PSMD9: variants seen among roughly 807,000 people sequenced by gnomAD.
The protein encoded by PSMD9 is 26S proteasome non-ATPase regulatory subunit 9.
PSMD9 carries 26 observed loss-of-function variants against 25.9 expected under a neutral mutation model. That is an observed-to-expected ratio of 1.00 (90% CI 0.73 to 1.39). PSMD9 has a LOEUF of 1.39. PSMD9 is among the 40% of genes most tolerant of loss of function. PSMD9 has a pLI of 0.00. For missense variants in PSMD9, 303 were observed against 299.3 expected (o/e 1.01, Z -0.09); for synonymous variants, 110 against 114.5 (o/e 0.96, Z 0.25).
At chr12:121,891,371 C>T (rs1201040691) in intron 1 of PSMD9, among the ~76,000 whole-genome samples, 14 of 137,724 alleles carry the variant, frequency 1.0e-4, no homozygotes, top group Non-Finnish European at 1.7e-4. Context: ...GAGGCCGAGG[C>T]GGGCGGATCA....
chr12:121,904,586 T>A (rs887291611), intron 4 of PSMD9, among the ~76,000 whole-genome samples: 9 of 150,412 alleles, frequency 6.0e-5, no homozygotes, highest in Admixed American at 2.6e-4. Flanking sequence ...AAAAAGAAAT[T>A]CTTTTAATTC....
At position 121,915,872 on chromosome 12, in the gene PSMD9, C is replaced by T; in HGVS notation, c.572C>T (p.Thr191Ile). 4 of 1,613,540 alleles carry T rather than the reference C, an allele frequency of 2.5e-6. No homozygotes were observed. Among genetic ancestry groups the T allele is most frequent in the Non-Finnish European group, 3.4e-6 (4 of 1,179,780 alleles). The change falls in exon 5 of 6, where the codon ACA becomes ATA. Residue 191 changes from threonine to isoleucine, a missense_variant. Coordinates refer to ENST00000541212, the MANE Select transcript of PSMD9 (RefSeq NM_002813.7). Reference sequence around the variant, plus strand: ...TCTTTTCAGAAGCCCCTGAATGTGACAGTGATCCGCAGGGGGGAAAAACAC... The same window carrying T: ...TCTTTTCAGAAGCCCCTGAATGTGATAGTGATCCGCAGGGGGGAAAAACAC... Reference protein sequence around the residue: ...QHSEGKPLNVTVIRRGEKHQL... With the variant: ...QHSEGKPLNVIVIRRGEKHQL...
chr12:121,895,491 T>A (rs1879204499), intron 2 of PSMD9, among the ~76,000 whole-genome samples: 2 of 152,144 alleles, frequency 1.3e-5, no homozygotes, highest in African/African-American at 4.8e-5. Context: ...TAGCTGGAGA[T>A]AAGAAGTCCA....
At chr12:121,914,445 G>C (rs1189954149) in intron 4 of PSMD9, 2 of 152,200 alleles carry the variant, frequency 1.3e-5, no homozygotes, top group African/African-American at 2.4e-5. Flanking sequence ...AGTTGCTCAG[G>C]AGGCTGAGGC....
At chr12:121,890,161 C>T (rs2137672718) in intron 1 of PSMD9, among the ~76,000 whole-genome samples, 1 of 152,200 alleles carries the variant, frequency 6.6e-6, no homozygotes, top group Admixed American at 6.5e-5. Context: ...AGGTGATCCG[C>T]CCACCTTGGC....
chr12:121,912,653 C>T (rs1206978967), intron 4 of PSMD9, among the ~76,000 whole-genome samples: 1 of 151,930 alleles, frequency 6.6e-6, no homozygotes, highest in Non-Finnish European at 1.5e-5. Flanking sequence ...ATCACTCGAG[C>T]TCAGGAGTTT....
chr12:121,906,639 C>T (rs944674977), intron 4 of PSMD9, among the ~76,000 whole-genome samples: 4 of 92,080 alleles, frequency 4.3e-5, no homozygotes, highest in East Asian at 3.0e-4. Flanking sequence ...CCGGTCTCTA[C>T]TAAAAATACA....
At chr12:121,889,940 C>CGGA in intron 1 of PSMD9, among the ~76,000 whole-genome samples, 1 of 151,948 alleles carries the variant, frequency 6.6e-6, no homozygotes, top group South Asian at 2.1e-4. Flanking sequence ...TTGTCTGAGA[C>CGGA]GGAGTCTTGC....
At chr12:121,889,036 C>T (rs1878978091) in intron 1 of PSMD9, 42 bp downstream of exon 1, 2 of 1,555,488 alleles carry the variant, frequency 1.3e-6, no homozygotes, top group South Asian at 1.2e-5. Flanking sequence ...CTAACCCGGC[C>T]CGGAGTCCCT....
chr12:121,908,425 C>T (rs993536556), intron 4 of PSMD9, among the ~76,000 whole-genome samples: 1 of 152,112 alleles, frequency 6.6e-6, no homozygotes, highest in Non-Finnish European at 1.5e-5. Flanking sequence ...ATGATCTGCC[C>T]GCTTCGGCCT....
chr12:121,904,489 G>C (rs554176620), intron 4 of PSMD9, among the ~76,000 whole-genome samples: 1 of 150,308 alleles, frequency 6.7e-6, no homozygotes, highest in Non-Finnish European at 1.5e-5. Context: ...AAGGAGAATC[G>C]CTTGAACCCA....
intron 2 of PSMD9, among the ~76,000 whole-genome samples, chr12:121,895,898 G>A (rs1879214974): frequency 6.6e-6 from 1 of 152,158 alleles, no homozygotes; most frequent in African/African-American, 2.4e-5. Flanking sequence ...CCATAGGTAG[G>A]CAACCGTCTC....
chr12:121,897,014 G>T (rs140680112), intron 2 of PSMD9, among the ~76,000 whole-genome samples: 1 of 152,046 alleles, frequency 6.6e-6, no homozygotes, highest in Non-Finnish European at 1.5e-5. Context: ...ACACATGCGT[G>T]TATATATGCA....
intron 2 of PSMD9, among the ~76,000 whole-genome samples, chr12:121,895,210 T>A (rs1316713364): frequency 6.6e-6 from 1 of 152,132 alleles, no homozygotes; most frequent in Non-Finnish European, 1.5e-5. Flanking sequence ...TGTGCCTGGC[T>A]AATTTTTTTT....
At chr12:121,899,471 G>A (rs1879324465) in intron 2 of PSMD9, 163 bp from the exon 3 acceptor site, 1 of 644,660 alleles carries the variant, frequency 1.6e-6, no homozygotes, top group Non-Finnish European at 2.7e-6. Flanking sequence ...AGGACTGAAT[G>A]CTCCATGAGG....
chr12:121,906,366 T>A (rs1219749427), intron 4 of PSMD9, among the ~76,000 whole-genome samples: 1 of 152,040 alleles, frequency 6.6e-6, no homozygotes, highest in East Asian at 1.9e-4. Flanking sequence ...TTGTCTGTTT[T>A]GTGAGTCAAG....
chr12:121,900,985 T>TA (rs749082407), intron 3 of PSMD9, among the ~76,000 whole-genome samples: 4,798 of 89,338 alleles, frequency 0.054, 352 homozygotes, highest in African/African-American at 0.17. Context: ...AGACTCTGTC[T>TA]AAAAAAAAAA....
Position 121,916,476 on chromosome 12 carries a change from T to G in PSMD9, c.*165T>G, listed in dbSNP as rs904214992. On this transcript the variant is annotated 3_prime_UTR_variant, in exon 6 of 6. Transcript: ENST00000541212. The stretch of plus-strand genomic sequence containing the variant: ...CTGTGGCCCACCAGTGTAATCTCCC[T>G]GGATTAAGGCATTCTTAAAAACTTA... 9.5e-5 allele frequency: 77 copies of G among 812,302 alleles called. No homozygotes were observed. In the African/African-American group the frequency reaches 1.1e-3, roughly 12 times the overall value. The allele number at this position is 812,302 out of a possible 1,614,324, so 50.3% of individuals were successfully genotyped here.
In PSMD9 at chr12:121,888,854, A is replaced by G. The variant is rs370876307; in HGVS notation, c.-3A>G. 1.7e-5 allele frequency: 27 copies of G among 1,602,002 alleles called. No individual in the cohort carries two copies. The highest frequency in any genetic ancestry group is 1.9e-5 in the Non-Finnish European group (22 of 1,175,410). ...TCTCTGGAGTCGCGGCCCGGGGTTC[A>G]CGATGTCCGACGAGGAAGCGAGGCA... On this transcript the variant is annotated 5_prime_UTR_variant, in exon 1 of 6. Transcript: ENST00000541212.
Sources: allele counts gnomAD v4.1 joint callset (sites outside exome capture counted in the v4.1 genomes callset), GRCh38; gene constraint gnomAD v4.1.1; transcripts MANE v1.5; gene names NCBI Gene and HGNC (gene_info 2026-07-23, HGNC 2026-07-21).